SCN3A: variants seen among roughly 807,000 people sequenced by gnomAD.
The protein encoded by SCN3A is sodium voltage-gated channel alpha subunit 3, also known as sodium channel protein type 3 subunit alpha.
A neutral mutation model predicts 187.6 loss-of-function variants in SCN3A; 60 were observed. The ratio of observed to expected loss-of-function variants is 0.32; its 90% CI spans 0.26 to 0.40. SCN3A has a LOEUF of 0.40. Ranked by LOEUF, SCN3A falls within the 10% of genes least tolerant of loss-of-function variation. The pLI is 1.00. For missense variants in SCN3A, 1,601 were observed against 2,428.2 expected, an observed-to-expected ratio of 0.66 and a Z score of 7.16; for synonymous variants, 788 against 829.2, an observed-to-expected ratio of 0.95 and a Z score of 0.85.
chr2:165,123,224 C>T (rs1016103614), intron 18 of SCN3A, among the ~76,000 whole-genome samples: 6 of 151,964 alleles, frequency 3.9e-5, no homozygotes, highest in Non-Finnish European at 5.9e-5. Context: ...ATTTCCTGAA[C>T]TTTTTTCATG....
At chr2:165,122,340 C>A (rs1172673966) in intron 18 of SCN3A, among the ~76,000 whole-genome samples, 1 of 142,602 alleles carries the variant, frequency 7.0e-6, no homozygotes, top group Non-Finnish European at 1.5e-5. Flanking sequence ...ATTCATAGAT[C>A]TGAATATAAT....
chr2:165,096,609 A>C, intron 23 of SCN3A, 89 bp from the exon 24 acceptor site: 1 of 887,160 alleles, frequency 1.1e-6, no homozygotes, highest in Non-Finnish European at 1.8e-6. Context: ...ATTATAACAA[A>C]TAACTTTTTG....
chr2:165,199,480 G>T (rs1372265023), intron 1 of SCN3A, among the ~76,000 whole-genome samples: 5 of 151,626 alleles, frequency 3.3e-5, no homozygotes, highest in African/African-American at 9.7e-5. Flanking sequence ...TTACTTTTCA[G>T]TTGTTCTTTA....
Position 165,138,132 on chromosome 2 carries a change from A to G in SCN3A, c.2153-15T>C. 1 of 1,576,880 alleles carries G rather than the reference A, an allele frequency of 6.3e-7. No individual in the cohort carries two copies. The highest frequency in any genetic ancestry group is 1.3e-5 in the African/African-American group (1 of 74,298). Reference sequence around the variant, plus strand: ...TTCTTCAAGTTCTGGAGGGACAATAACAAGGAAGAGTAGTAAATAACAACA... The same window carrying G: ...TTCTTCAAGTTCTGGAGGGACAATAGCAAGGAAGAGTAGTAAATAACAACA... On this transcript the variant is annotated splice_polypyrimidine_tract_variant and intron_variant, in intron 14 of 27. Coordinates refer to ENST00000283254, the MANE Select transcript of SCN3A (RefSeq NM_006922.4).
chr2:165,163,448 C>G (rs931347483), intron 7 of SCN3A, among the ~76,000 whole-genome samples, 170 bp downstream of exon 7: 1 of 152,054 alleles, frequency 6.6e-6, no homozygotes, highest in Non-Finnish European at 1.5e-5. Context: ...TTTATAAATA[C>G]GCATGTAATT....
At chr2:165,118,833 G>A (rs1686504520) in intron 18 of SCN3A, among the ~76,000 whole-genome samples, 1 of 152,042 alleles carries the variant, frequency 6.6e-6, no homozygotes, top group African/African-American at 2.4e-5. Flanking sequence ...CGCAGTCTCG[G>A]CTCACTGCAA....
chr2:165,157,065 C>T (rs1232644717), intron 9 of SCN3A, among the ~76,000 whole-genome samples: 1 of 152,068 alleles, frequency 6.6e-6, no homozygotes, highest in Non-Finnish European at 1.5e-5. Context: ...TGCCTGCCAT[C>T]ACGCCCAGCT....
At chr2:165,091,830 AC>A (rs1188082561) in intron 27 of SCN3A, 16 of 270,288 alleles carry the variant, frequency 5.9e-5, no homozygotes, top group Non-Finnish European at 2.1e-5. Context: ...TTCTTTGAAG[AC>A]CCACCTAGGA....
chr2:165,107,395 T>C (rs1685912587), intron 21 of SCN3A, among the ~76,000 whole-genome samples: 1 of 152,188 alleles, frequency 6.6e-6, no homozygotes, highest in Non-Finnish European at 1.5e-5. Context: ...AAGACATTTA[T>C]AGAAAAAGTC....
chr2:165,146,448 A>G (rs1007749357), intron 12 of SCN3A, among the ~76,000 whole-genome samples: 2 of 139,720 alleles, frequency 1.4e-5, no homozygotes, highest in Non-Finnish European at 3.1e-5. Flanking sequence ...ACATATATAT[A>G]TACAGGTTGA....
intron 1 of SCN3A, among the ~76,000 whole-genome samples, chr2:165,203,258 G>A (rs1411262248): frequency 6.6e-6 from 1 of 151,864 alleles, no homozygotes; most frequent in Non-Finnish European, 1.5e-5. Flanking sequence ...TTTTTTGAAG[G>A]TTCAACCTCT....
At chr2:165,146,427 CAT>C (rs1688334933) in intron 12 of SCN3A, among the ~76,000 whole-genome samples, 1 of 133,148 alleles carries the variant, frequency 7.5e-6, no homozygotes, top group African/African-American at 2.8e-5. Context: ...TGTATAGACA[CAT>C]ATATACACAC....
In SCN3A at chr2:165,146,963, C is replaced by A. The variant is rs370971967; in HGVS notation, c.1447G>T (p.Glu483Ter). The change falls in exon 12 of 28, where the codon GAA (glutamate) becomes TAA (stop). Residue 483 changes from glutamate to a stop codon, truncating the protein, a stop_gained. Transcript: ENST00000283254. LOFTEE classifies it high-confidence loss of function. Reference protein sequence around the residue: ...SGIGGLGELLESSSEASKLSS... With the variant: ...SGIGGLGELL ...AACTTTGATGCTTCTGAAGAACTTT[C>A]CAACAGCTCTCCTAACCCACCTATT... 1 of 1,614,034 alleles carries A rather than the reference C, an allele frequency of 6.2e-7. No individual in the cohort carries two copies. Among genetic ancestry groups the A allele is most frequent in the Non-Finnish European group, 8.5e-7 (1 of 1,179,942 alleles).
At chr2:165,122,001 G>T (rs1012618361) in intron 18 of SCN3A, among the ~76,000 whole-genome samples, 1 of 151,796 alleles carries the variant, frequency 6.6e-6, no homozygotes, top group Admixed American at 6.6e-5. Flanking sequence ...ATAACAAATG[G>T]GTACACTAGG....
rs561637269 is a variant in SCN3A, at chr2:165,176,437, C to T, written c.-43G>A. On this transcript the variant is annotated 5_prime_UTR_variant, in exon 3 of 28. Coordinates refer to ENST00000283254, the MANE Select transcript of SCN3A (RefSeq NM_006922.4). ...TTAATTACGTGTAGCTTCTTGCATA[C>T]GAATTACCTGCAATAAAAGAAAAAT... 4.8e-5 allele frequency: 78 copies of T among 1,612,670 alleles called. No homozygotes were observed. The highest frequency in any genetic ancestry group is 3.8e-4 in the South Asian group (35 of 91,014).
At chr2:165,156,616 A>C (rs948750397) in intron 9 of SCN3A, among the ~76,000 whole-genome samples, 5 of 151,578 alleles carry the variant, frequency 3.3e-5, no homozygotes, top group African/African-American at 1.2e-4. Flanking sequence ...GTTTTGTAGA[A>C]TTTTCTAAAA....
intron 21 of SCN3A, among the ~76,000 whole-genome samples, chr2:165,102,458 G>A (rs1274699470): frequency 1.3e-5 from 2 of 152,152 alleles, no homozygotes; most frequent in Non-Finnish European, 2.9e-5. Context: ...CCAGGTTACA[G>A]TGGCTATGAT....
intron 14 of SCN3A, 125 bp downstream of exon 14, chr2:165,139,351 A>C (rs1177945848): frequency 4.6e-6 from 6 of 1,310,142 alleles, no homozygotes; most frequent in Non-Finnish European, 6.5e-6. Flanking sequence ...TCCATATATC[A>C]CATTCTTAGG....
intron 1 of SCN3A, among the ~76,000 whole-genome samples, chr2:165,189,435 C>T (rs1691457523): frequency 6.6e-6 from 1 of 152,082 alleles, no homozygotes; most frequent in African/African-American, 2.4e-5. Context: ...AACGGTTAGC[C>T]TGCATTTGAA....
Sources: gnomAD v4.1 joint callset for allele counts (sites outside exome capture counted in the v4.1 genomes callset) on GRCh38, gnomAD v4.1.1 for gene constraint, MANE v1.5 for transcripts, NCBI Gene and HGNC (gene_info 2026-07-23, HGNC 2026-07-21) for gene names.